Variants in EP400 observed in about 807,000 individuals in gnomAD.
EP400 encodes the protein E1A-binding protein p400.
A neutral mutation model predicts 354.1 loss-of-function variants in EP400; 105 were observed. The ratio of observed to expected loss-of-function variants is 0.30; its 90% CI spans 0.25 to 0.35. EP400 has a LOEUF of 0.35. Among genes scored for constraint, EP400 ranks in the 10% least tolerant of loss-of-function variants. The pLI, the probability that EP400 is intolerant of heterozygous loss-of-function variation, is 1.00. For missense variants in EP400, 3,280 were observed against 4,121.0 expected (o/e 0.80, Z 5.59); for synonymous variants, 1,646 against 1,716.9 (o/e 0.96, Z 1.02).
Position 132,050,924 on chromosome 12 carries a change from G to T in EP400, c.7394+269G>T. On this transcript the variant is annotated intron_variant, in intron 41 of 52. Coordinates refer to ENST00000389561, the MANE Select transcript of EP400 (RefSeq NM_015409.5). This position sits in a 1 kb window ranked among gnomAD's most constrained non-coding sequence, Gnocchi z 4.8. ...AGACGCTGACAGATGTGATGAGTGT[G>T]CCAGGGCCATGTGGCCAACCACAAG... The T allele has an allele frequency of 1.8e-6, 1 of 550,432 alleles. No individual in the cohort carries two copies. Among genetic ancestry groups the T allele is most frequent in the Admixed American group, 3.3e-5 (1 of 30,244 alleles). The allele number at this position is 550,432 out of a possible 1,614,324, so 34.1% of individuals were successfully genotyped here. A position where few individuals can be genotyped will look rare whatever the true frequency, so the allele number is the denominator to read the frequency against.
At position 132,076,665 on chromosome 12, in the gene EP400, A is replaced by G. The variant is rs375108856; in HGVS notation, c.9099+72A>G. ...GAATGGGTTGTTTTCATCTGAGGTC[A>G]TGATTAGGGAATCACTTTTGATTTT... On this transcript the variant is annotated intron_variant, in intron 52 of 52. Coordinates refer to ENST00000389561, the MANE Select transcript of EP400 (RefSeq NM_015409.5). The G allele has an allele frequency of 1.9e-5, 26 of 1,357,844 alleles. No individual in the cohort carries two copies. The African/African-American group carries it at 3.4e-4, about 18-fold the overall frequency. The allele number at this position is 1,357,844 out of a possible 1,614,324, so 84.1% of individuals were successfully genotyped here. A position where few individuals can be genotyped will look rare whatever the true frequency, so the allele number is the denominator to read the frequency against.
rs1341392026 is a variant in EP400 at position 132,077,637 on chromosome 12, C to G, written c.9336C>G (p.Val3112=). The change falls in exon 53 of 53, where the codon GTC becomes GTG. Residue 3112 remains valine, a synonymous_variant. Transcript: ENST00000389561. ...AGTTACAGATGAGGGTCCCTGCTGT[C>G]AGGCTAAAGACACCTACTAAGCCTC... The part of the protein sequence containing the change: ...QPKLQMRVPA[V]RLKTPTKPPC... The G allele has an allele frequency of 1.2e-6, 2 of 1,613,292 alleles. No individual in the cohort carries two copies. Among genetic ancestry groups the G allele is most frequent in the Non-Finnish European group, 1.7e-6 (2 of 1,179,758 alleles).
chr12:132,053,755 T>C (rs1243062642), intron 43 of EP400, among the ~76,000 whole-genome samples, 158 bp downstream of exon 43: 1 of 152,258 alleles, frequency 6.6e-6, no homozygotes, highest in Non-Finnish European at 1.5e-5. Flanking sequence ...AGGCTTAGTC[T>C]CATCCCAGAG....
At chr12:131,986,917 T>G in intron 6 of EP400, 110 bp downstream of exon 6, 1 of 1,318,834 alleles carries the variant, frequency 7.6e-7, no homozygotes, top group East Asian at 2.3e-5. Flanking sequence ...CAATTCAGCA[T>G]GGCTTGGGAA....
intron 43 of EP400, 125 bp downstream of exon 43, chr12:132,053,722 C>A: frequency 1.8e-6 from 2 of 1,109,510 alleles, no homozygotes; most frequent in Non-Finnish European, 2.4e-6. Context: ...AGCTTGTAGA[C>A]CTTCCTCTGA....
chr12:132,021,465 C>A, intron 23 of EP400, 144 bp downstream of exon 23: 1 of 1,242,490 alleles, frequency 8.0e-7, no homozygotes, highest in Non-Finnish European at 1.1e-6. Flanking sequence ...CTCACCAGTG[C>A]AGCTGCCTCC....
chr12:132,037,600 A>G lies in EP400; in HGVS notation c.5952-82A>G, dbSNP rs1894761472. The G allele has an allele frequency of 3.6e-6, 4 of 1,108,546 alleles. No individual in the cohort carries two copies. In the Admixed American group the frequency reaches 7.0e-5, roughly 19 times the overall value. The allele number at this position is 1,108,546 out of a possible 1,614,324, so 68.7% of individuals were successfully genotyped here. ...CTGGAGGAGGGACGTGGATTCGTTG[A>G]TCACCATCTGCATGCTGTGCCCACC... On this transcript the variant is annotated intron_variant, in intron 30 of 52. Transcript: ENST00000389561.
chr12:132,009,112 T>G (rs1166305883), intron 15 of EP400, among the ~76,000 whole-genome samples: 2 of 150,174 alleles, frequency 1.3e-5, no homozygotes, highest in Non-Finnish European at 3.0e-5. Flanking sequence ...TTTATATTTT[T>G]GGCAGAGATA....
Position 132,032,043 on chromosome 12 carries a change from G to A in EP400, c.5845G>A (p.Ala1949Thr). The stretch of plus-strand genomic sequence containing the variant: ...TACCACAGGTATAAACCTTGTAGAG[G>A]CGGACACCGTCGTGTTTTATGACAA... ...SRTTGINLVEADTVVFYDNDL... is the reference protein window; with the variant it reads ...SRTTGINLVETDTVVFYDNDL... Residue 1949 changes from alanine to threonine, a missense_variant, in exon 30 of 53, where the codon GCG (alanine) becomes ACG (threonine). Ala to Thr is a moderately conservative substitution (Grantham distance 58, BLOSUM62 0). Around this residue, in one of 20 missense-constraint regions of EP400, gnomAD observed 459 missense variants for 496.9 expected, o/e 0.92. Transcript: ENST00000389561. 6.2e-7 allele frequency: 1 copy of A among 1,614,194 alleles called. No individual in the cohort carries two copies. Among genetic ancestry groups the A allele is most frequent in the South Asian group, 1.1e-5 (1 of 91,088 alleles).
intron 30 of EP400, among the ~76,000 whole-genome samples, chr12:132,033,478 C>T (rs1894592615): frequency 6.6e-6 from 1 of 152,010 alleles, no homozygotes; most frequent in South Asian, 2.1e-4. Flanking sequence ...CAAATATGGT[C>T]CCTGCATGAG....
rs1157954551 is a variant in EP400, at chr12:132,080,442, A to G, written c.*2769A>G. The G allele has an allele frequency of 6.5e-6, 1 of 152,676 alleles. No individual in the cohort carries two copies. Among genetic ancestry groups the G allele is most frequent in the Non-Finnish European group, 1.5e-5 (1 of 68,046 alleles). 9.5% of individuals were successfully genotyped at this position (152,676 alleles called of 1,614,324 possible). On this transcript the variant is annotated 3_prime_UTR_variant, in exon 53 of 53. Transcript: ENST00000389561. Reference sequence around the variant, plus strand: ...TAGCATACCAAACAAAAGGCAAAATAAAGTGACCTTTTTATATATTTTTTC... The same window carrying G: ...TAGCATACCAAACAAAAGGCAAAATGAAGTGACCTTTTTATATATTTTTTC...
intron 5 of EP400, among the ~76,000 whole-genome samples, chr12:131,984,405 A>G (rs1437537633): frequency 6.6e-6 from 1 of 152,192 alleles, no homozygotes; most frequent in Non-Finnish European, 1.5e-5. Flanking sequence ...AGATTAAAAA[A>G]ACCAGAGGCC....
chr12:131,966,531 C>A (rs895189614), intron 2 of EP400, among the ~76,000 whole-genome samples: 172 of 142,962 alleles, frequency 1.2e-3, no homozygotes, highest in African/African-American at 4.6e-3. Flanking sequence ...CCACTGCACA[C>A]CAGCCTGGGC....
chr12:132,003,192 TAAAA>T (rs200737694), intron 12 of EP400, among the ~76,000 whole-genome samples: 1 of 116,690 alleles, frequency 8.6e-6, no homozygotes, highest in African/African-American at 3.2e-5. Flanking sequence ...AAAGAAATAT[TAAAA>T]AAAAAAAAAA....
chr12:132,078,538 G>T lies in EP400; in HGVS notation c.*865G>T, dbSNP rs1341354896. 6.6e-6 allele frequency: 1 copy of T among 152,306 alleles called. No individual in the cohort carries two copies. The highest frequency in any genetic ancestry group is 2.4e-5 in the African/African-American group (1 of 41,462). The allele number at this position is 152,306 out of a possible 1,614,324, so 9.4% of individuals were successfully genotyped here. ...CCTTTGGGACACTCTGCCATGGCTG[G>T]CGTGAGGCCCAGAGGACCACGCAGA... On this transcript the variant is annotated 3_prime_UTR_variant, in exon 53 of 53. Transcript: ENST00000389561.
chr12:132,049,547 G>A (rs1416193151), intron 39 of EP400, among the ~76,000 whole-genome samples: 1 of 152,158 alleles, frequency 6.6e-6, no homozygotes, highest in Non-Finnish European at 1.5e-5. Context: ...ACCTGGGCCT[G>A]TGCTGCTGTG....
At chr12:132,000,338 T>C (rs775808046) in intron 12 of EP400, among the ~76,000 whole-genome samples, 3 of 152,176 alleles carry the variant, frequency 2.0e-5, no homozygotes, top group Non-Finnish European at 4.4e-5. Flanking sequence ...ACAGAAGATG[T>C]ATGGGATTCT....
chr12:131,983,908 T>G (rs964738643), intron 5 of EP400, among the ~76,000 whole-genome samples: 2 of 146,220 alleles, frequency 1.4e-5, no homozygotes, highest in Non-Finnish European at 3.0e-5. Flanking sequence ...TGCTTTTTCT[T>G]TTTTTTTTTT....
chr12:131,981,621 TC>T, intron 4 of EP400, 25 bp downstream of exon 4: 1 of 1,571,292 alleles, frequency 6.4e-7, no homozygotes, highest in Middle Eastern at 1.8e-4. Flanking sequence ...CAGAGCCAGC[TC>T]CCCGCTCAGG....
Sources: allele counts gnomAD v4.1 joint callset (sites outside exome capture counted in the v4.1 genomes callset), GRCh38; gene constraint gnomAD v4.1.1; regional missense constraint gnomAD v4.1.1; non-coding constraint Gnocchi (gnomAD v3.1); transcripts MANE v1.5; gene names NCBI Gene and HGNC (gene_info 2026-07-23, HGNC 2026-07-21).